The following RADIL variants were observed in gnomAD, a reference collection of about 807,000 sequenced individuals.
The protein encoded by RADIL is ras-associating and dilute domain-containing protein.
In RADIL, 99 loss-of-function variants were observed where a neutral mutation model predicts 97.6. The ratio of observed to expected loss-of-function variants is 1.01; its 90% CI spans 0.86 to 1.20. The LOEUF is 1.20. Ranked by LOEUF, RADIL falls within the 50% of genes most tolerant of loss-of-function variation. The probability of loss-of-function intolerance (pLI) is 0.00; values close to 1 mark genes in which losing one functional copy is unlikely to be tolerated. For missense variants in RADIL, 1,765 were observed against 1,498.9 expected, an observed-to-expected ratio of 1.18 and a Z score of -2.93; for synonymous variants, 803 against 691.8, an observed-to-expected ratio of 1.16 and a Z score of -2.52.
In RADIL at chr7:4,800,396, T is replaced by C. The variant is rs1377612009; in HGVS notation, c.2843-86A>G. On this transcript the variant is annotated intron_variant, in intron 12 of 14. Transcript: ENST00000399583. ...GGATGTCCTGGCCTGGCTGCCTCTG[T>C]AGGGCGTCAGGGATGGGATGGCCTC... 6 of 1,339,770 alleles carry C rather than the reference T, an allele frequency of 4.5e-6. No homozygotes were observed. In the East Asian group the frequency reaches 9.0e-5, roughly 20 times the overall value. The allele number at this position is 1,339,770 out of a possible 1,614,324, so 83.0% of individuals were successfully genotyped here.
In RADIL at chr7:4,801,989, G is replaced by A. The variant is rs1406510452; in HGVS notation, c.2506C>T (p.His836Tyr). 4.6e-6 allele frequency: 7 copies of A among 1,526,000 alleles called. No homozygotes were observed. The highest frequency in any genetic ancestry group is 4.6e-5 in the East Asian group (2 of 43,732). 94.5% of individuals were successfully genotyped at this position (1,526,000 alleles called of 1,614,324 possible). The change falls in exon 12 of 15, where the codon CAC becomes TAC. Residue 836 changes from histidine (H) to tyrosine (Y), a missense_variant. Physicochemically the swap from His to Tyr is moderately conservative, Grantham distance 83. Coordinates refer to ENST00000399583, the MANE Select transcript of RADIL (RefSeq NM_018059.5). ...AGGTGCCCGTCAAGGACCACGTGGTGCATACCCTAGGGAGAGGAAGGGTGA... is the reference window on the plus strand; with the variant it reads ...AGGTGCCCGTCAAGGACCACGTGGTACATACCCTAGGGAGAGGAAGGGTGA... ...ASQPVCPEGM[H>Y]HVVLDGHLEA...
chr7:4,872,315 C>T lies in RADIL; in HGVS notation c.535+5290G>A, dbSNP rs907400175. Among the ~76,000 whole-genome samples the T allele has an allele frequency of 1.3e-5, 2 of 152,222 alleles. No homozygotes were observed. The highest frequency in any genetic ancestry group is 1.9e-4 in the East Asian group (1 of 5,202). ...GACACTGCTCATCGCCCTGCAACCA[C>T]GGACGCCTCCCTCAGCAAAGATGCC... On this transcript the variant is annotated intron_variant, in intron 2 of 14. Coordinates refer to ENST00000399583, the MANE Select transcript of RADIL (RefSeq NM_018059.5). The surrounding 1 kb of genome is among the most constrained non-coding windows in gnomAD (Gnocchi z 5.8).
In RADIL at chr7:4,797,681, G is replaced by A. The variant is rs1562421713; in HGVS notation, c.*1697C>T. 6.6e-6 allele frequency: 1 copy of A among 152,178 alleles called. No individual in the cohort carries two copies. Among genetic ancestry groups the A allele is most frequent in the Non-Finnish European group, 1.5e-5 (1 of 68,018 alleles). 9.4% of individuals were successfully genotyped at this position (152,178 alleles called of 1,614,324 possible). ...TAACACACACGTTGTGGGACTCCTA[G>A]GAAAAGAAACAGAACAAGGCCAGGC... On this transcript the variant is annotated 3_prime_UTR_variant, in exon 15 of 15. Coordinates refer to ENST00000399583, the MANE Select transcript of RADIL (RefSeq NM_018059.5).
At position 4,821,932 on chromosome 7, in the gene RADIL, C is replaced by G. The variant is rs1465035231; in HGVS notation, c.1615+462G>C. On this transcript the variant is annotated intron_variant, in intron 6 of 14. Transcript: ENST00000399583. This position sits in a 1 kb window ranked among gnomAD's most constrained non-coding sequence, Gnocchi z 5.2. ...GAAACCGACATAATCTACAATTTCA[C>G]AACAATGACTGGCAACATCTGTCCT... is the stretch of plus-strand genomic sequence containing the variant. Among the ~76,000 whole-genome samples the G allele has an allele frequency of 6.6e-6, 1 of 152,126 alleles. No homozygotes were observed. The highest frequency in any genetic ancestry group is 2.4e-5 in the African/African-American group (1 of 41,420).
chr7:4,869,832 G>A (rs183445282), intron 2 of RADIL, among the ~76,000 whole-genome samples: 7 of 152,116 alleles, frequency 4.6e-5, no homozygotes, highest in Non-Finnish European at 8.8e-5. Flanking sequence ...TGACTCTTTC[G>A]CAAAGATGGA....
At chr7:4,881,151 C>CA (rs2115057837) in intron 1 of RADIL, among the ~76,000 whole-genome samples, 2 of 147,226 alleles carry the variant, frequency 1.4e-5, no homozygotes, top group Admixed American at 1.4e-4. Flanking sequence ...CACGGTGGCT[C>CA]ACGCTTGTAA....
At chr7:4,831,213 A>AAT (rs34064307) in intron 5 of RADIL, among the ~76,000 whole-genome samples, 2,011 of 151,602 alleles carry the variant, frequency 0.013, 20 homozygotes, top group Middle Eastern at 0.041. Flanking sequence ...AAAAAAAAAA[A>AAT]GCACGAGATC....
chr7:4,815,239 C>A lies in RADIL; in HGVS notation c.2139+39G>T. ...CAGGGACCCACAGCATGTGGCCCCG[C>A]CCCTCCCCACACTCGCCGCCTCCCA... On this transcript the variant is annotated intron_variant, in intron 9 of 14. Transcript: ENST00000399583. The surrounding 1 kb of genome is among the most constrained non-coding windows in gnomAD (Gnocchi z 8.0). 6.7e-7 allele frequency: 1 copy of A among 1,487,728 alleles called. No individual in the cohort carries two copies. The allele number at this position is 1,487,728 out of a possible 1,614,324, so 92.2% of individuals were successfully genotyped here.
rs1361623743 is a variant in RADIL at position 4,872,966 on chromosome 7, C to G, written c.535+4639G>C. ...CTCTGTTTTTCTTTTGAGTCAGAGT[C>G]TCGCTCTGTCACCCAGGCTGGAGTG... On this transcript the variant is annotated intron_variant, in intron 2 of 14. Coordinates refer to ENST00000399583, the MANE Select transcript of RADIL (RefSeq NM_018059.5). This position sits in a 1 kb window ranked among gnomAD's most constrained non-coding sequence, Gnocchi z 5.8. Among the ~76,000 whole-genome samples the G allele has an allele frequency of 2.0e-5, 3 of 152,202 alleles. No homozygotes were observed. Among genetic ancestry groups the G allele is most frequent in the Non-Finnish European group, 4.4e-5 (3 of 68,038 alleles).
rs143024492 is a variant in RADIL at position 4,830,675 on chromosome 7, C to T, written c.1454+1466G>A. 8.5e-3 allele frequency among the ~76,000 whole-genome samples: 1,285 copies of T among 151,702 alleles called. 27 individuals are homozygous for T. Among genetic ancestry groups the T allele is most frequent in the African/African-American group, 0.03 (1,230 of 41,374 alleles). On this transcript the variant is annotated intron_variant, in intron 5 of 14. Transcript: ENST00000399583. ...GGTGGATCACCTGAGGTCAGGAGTT[C>T]GAGACCAGCCTCACCAACATGGAGA...
At position 4,803,594 on chromosome 7, in the gene RADIL, G is replaced by A; in HGVS notation, c.2451C>T (p.Gly817=). The part of the protein sequence containing the change: ...LWGLRSRASP[G]SPGRPGSGAS... ...CCCCACTGCCAGGCCTGCCAGGGCT[G>A]CCGGGGCTGGCTCTGCTCCGCAGAC... Residue 817 remains glycine (G), a synonymous_variant, in exon 11 of 15, where the codon GGC becomes GGT. Coordinates refer to ENST00000399583, the MANE Select transcript of RADIL (RefSeq NM_018059.5). 6.5e-7 allele frequency: 1 copy of A among 1,546,916 alleles called. No individual in the cohort carries two copies. The highest frequency in any genetic ancestry group is 2.4e-5 in the East Asian group (1 of 40,878).
At position 4,834,875 on chromosome 7, in the gene RADIL, C is replaced by T. The variant is rs1783251215; in HGVS notation, c.1148G>A (p.Gly383Glu). ...GGCTCCCCGGGCCCCGAGCGCGGCCCCGCACAGCCGGCAGCTCTGCGGCAC... is the reference window on the plus strand; with the variant it reads ...GGCTCCCCGGGCCCCGAGCGCGGCCTCGCACAGCCGGCAGCTCTGCGGCAC... ...RAVPQSCRLCGAALGARGAAS... is the reference protein window; with the variant it reads ...RAVPQSCRLCEAALGARGAAS... Residue 383 changes from glycine to glutamate, a missense_variant, in exon 4 of 15, where the codon GGG becomes GAG. Coordinates refer to ENST00000399583, the MANE Select transcript of RADIL (RefSeq NM_018059.5). The surrounding 1 kb of genome is among the most constrained non-coding windows in gnomAD (Gnocchi z 6.0). 7.0e-7 allele frequency: 1 copy of T among 1,424,040 alleles called. No individual in the cohort carries two copies. The highest frequency in any genetic ancestry group is 1.5e-5 in the African/African-American group (1 of 67,100). The allele number at this position is 1,424,040 out of a possible 1,614,324, so 88.2% of individuals were successfully genotyped here. A position where few individuals can be genotyped will look rare whatever the true frequency, so the allele number is the denominator to read the frequency against.
intron 2 of RADIL, among the ~76,000 whole-genome samples, chr7:4,846,026 C>T (rs929485211): frequency 7.2e-5 from 11 of 152,156 alleles, no homozygotes; most frequent in Non-Finnish European, 1.5e-4. Context: ...CAGCATGGCG[C>T]TGGGCACGCC....
Position 4,821,913 on chromosome 7 carries a change from G to T in RADIL, c.1615+481C>A, listed in dbSNP as rs188000763. Among the ~76,000 whole-genome samples the T allele has an allele frequency of 3.0e-3, 451 of 152,172 alleles. 2 individuals are homozygous for T. The highest frequency in any genetic ancestry group is 0.011 in the African/African-American group (437 of 41,512). Reference sequence around the variant, plus strand: ...TTCCCACATCTTAATCTGTGAAACCGACATAATCTACAATTTCACAACAAT... The same window carrying T: ...TTCCCACATCTTAATCTGTGAAACCTACATAATCTACAATTTCACAACAAT... On this transcript the variant is annotated intron_variant, in intron 6 of 14. Coordinates refer to ENST00000399583, the MANE Select transcript of RADIL (RefSeq NM_018059.5). The surrounding 1 kb of genome is among the most constrained non-coding windows in gnomAD (Gnocchi z 5.2).
chr7:4,865,600 G>A, intron 2 of RADIL: 1 of 803,502 alleles, frequency 1.2e-6, no homozygotes, highest in Non-Finnish European at 2.3e-6. Flanking sequence ...CAGTGATCTT[G>A]CTCTTGCTCC....
Position 4,835,585 on chromosome 7 carries a change from A to C in RADIL, c.784-346T>G, listed in dbSNP as rs909601944. 4.6e-5 allele frequency among the ~76,000 whole-genome samples: 7 copies of C among 151,394 alleles called. No homozygotes were observed. Among genetic ancestry groups the C allele is most frequent in the African/African-American group, 1.5e-4 (6 of 40,874 alleles). On this transcript the variant is annotated intron_variant, in intron 3 of 14. Coordinates refer to ENST00000399583, the MANE Select transcript of RADIL (RefSeq NM_018059.5). The surrounding 1 kb of genome is among the most constrained non-coding windows in gnomAD (Gnocchi z 5.8). ...ACATAACTTCCCCCAAGTCATCCCC[A>C]AAACTGTGTGGGAGCACTGCCGCCT...
At position 4,814,685 on chromosome 7, in the gene RADIL, G is replaced by A. The variant is rs948142278; in HGVS notation, c.2139+593C>T. 5.9e-5 allele frequency among the ~76,000 whole-genome samples: 9 copies of A among 152,160 alleles called. No individual in the cohort carries two copies. Among genetic ancestry groups the A allele is most frequent in the Non-Finnish European group, 1.0e-4 (7 of 68,036 alleles). On this transcript the variant is annotated intron_variant, in intron 9 of 14. Coordinates refer to ENST00000399583, the MANE Select transcript of RADIL (RefSeq NM_018059.5). This position sits in a 1 kb window ranked among gnomAD's most constrained non-coding sequence, Gnocchi z 4.5. ...ACACAGTGCACTCTCACAGCTCCGC[G>A]GCTCCACAGCTCAGCCGGGTCTCAC...
chr7:4,804,789 C>T (rs1316487777), intron 10 of RADIL, among the ~76,000 whole-genome samples: 1 of 145,864 alleles, frequency 6.9e-6, no homozygotes, highest in African/African-American at 2.6e-5. Flanking sequence ...CTGTCTCAGT[C>T]AATCAATCAA....
Position 4,842,991 on chromosome 7 carries a change from C to G in RADIL, c.536-6386G>C, listed in dbSNP as rs1783483221. Among the ~76,000 whole-genome samples the G allele has an allele frequency of 1.3e-5, 2 of 150,830 alleles. No individual in the cohort carries two copies. Among genetic ancestry groups the G allele is most frequent in the Admixed American group, 6.6e-5 (1 of 15,140 alleles). On this transcript the variant is annotated intron_variant, in intron 2 of 14. Coordinates refer to ENST00000399583, the MANE Select transcript of RADIL (RefSeq NM_018059.5). The surrounding 1 kb of genome is among the most constrained non-coding windows in gnomAD (Gnocchi z 4.5). Reference sequence around the variant, plus strand: ...GACTATAGGTGCGCACCCCCATGCCCGGCAAGAGACAATTTTTTTTTTTTT... The same window carrying G: ...GACTATAGGTGCGCACCCCCATGCCGGGCAAGAGACAATTTTTTTTTTTTT...
Sources: allele counts gnomAD v4.1 joint callset (sites outside exome capture counted in the v4.1 genomes callset), GRCh38; gene constraint gnomAD v4.1.1; non-coding constraint Gnocchi (gnomAD v3.1); transcripts MANE v1.5; gene names NCBI Gene and HGNC (gene_info 2026-07-23, HGNC 2026-07-21).